The following MDN1 variants were observed in gnomAD, a reference collection of about 807,000 sequenced individuals.
MDN1 encodes midasin AAA ATPase 1.
In MDN1, 266 loss-of-function variants were observed where a neutral mutation model predicts 669.2. That is an observed-to-expected ratio of 0.40 (90% CI 0.36 to 0.44). MDN1 has a LOEUF of 0.44. MDN1 is among the 20% of genes least tolerant of loss of function. MDN1 has a pLI of 1.00. For missense variants in MDN1, 5,940 were observed against 6,754.0 expected (o/e 0.88, Z 4.22); for synonymous variants, 2,385 against 2,457.1 (o/e 0.97, Z 0.87).
Position 89,803,498 on chromosome 6 carries a change from C to T in MDN1, c.159G>A (p.Leu53=). 1 of 1,614,060 alleles carries T rather than the reference C, an allele frequency of 6.2e-7. No homozygotes were observed. ...CVLSTLAQLL[L]DKDCTVLVGR... Reference sequence around the variant, plus strand: ...CAACCAGCACAGTACAGTCCTTATCCAAAAGCAACTGTGCTAAGGTACTCA... The same window carrying T: ...CAACCAGCACAGTACAGTCCTTATCTAAAAGCAACTGTGCTAAGGTACTCA... Residue 53 remains leucine, a synonymous_variant, in exon 2 of 102, where the codon TTG becomes TTA. Coordinates refer to ENST00000369393, the MANE Select transcript of MDN1 (RefSeq NM_014611.3).
intron 12 of MDN1, 110 bp from the exon 13 acceptor site, chr6:89,774,843 T>C (rs1308590124): frequency 9.0e-6 from 6 of 669,700 alleles, no homozygotes; most frequent in Non-Finnish European, 1.6e-5. Context: ...AGAATTATTC[T>C]CTACTTCCCA....
intron 34 of MDN1, among the ~76,000 whole-genome samples, chr6:89,732,172 C>T (rs750113122): frequency 4.5e-4 from 68 of 151,458 alleles, no homozygotes; most frequent in Non-Finnish European, 8.4e-4. Context: ...AATAAAATTG[C>T]TTTGCTAAAA....
At chr6:89,785,822 AG>A (rs1818924895) in intron 8 of MDN1, among the ~76,000 whole-genome samples, 2 of 152,210 alleles carry the variant, frequency 1.3e-5, no homozygotes, top group Non-Finnish European at 2.9e-5. Context: ...TGAATCTACC[AG>A]GGAAGAACTT....
At chr6:89,716,629 G>A in intron 44 of MDN1, 21 bp downstream of exon 44, 3 of 1,590,980 alleles carry the variant, frequency 1.9e-6, no homozygotes, top group Non-Finnish European at 1.7e-6. Context: ...TTGGACCACT[G>A]ATTAGGCATA....
intron 75 of MDN1, among the ~76,000 whole-genome samples, chr6:89,677,961 G>T (rs560618975): frequency 2.0e-4 from 31 of 152,226 alleles, no homozygotes; most frequent in African/African-American, 7.0e-4. Context: ...GGTACAGCAC[G>T]TGGTGACAGA....
intron 1 of MDN1, among the ~76,000 whole-genome samples, chr6:89,806,623 C>T (rs1041912125): frequency 5.3e-5 from 8 of 152,134 alleles, no homozygotes; most frequent in African/African-American, 1.9e-4. Context: ...GAGGCTGGGG[C>T]AGGAAAACGG....
intron 2 of MDN1, among the ~76,000 whole-genome samples, chr6:89,798,935 C>G (rs1348483980): frequency 6.6e-6 from 1 of 151,966 alleles, no homozygotes; most frequent in Non-Finnish European, 1.5e-5. Context: ...ACTTCTGGGA[C>G]TAAAAGAAGA....
chr6:89,708,398 A>G (rs940286193), intron 51 of MDN1, 98 bp downstream of exon 51: 2 of 1,442,088 alleles, frequency 1.4e-6, no homozygotes, highest in Non-Finnish European at 1.9e-6. Flanking sequence ...AGGTTCACAA[A>G]ATTCAACACA....
chr6:89,703,555 T>A (rs1246325763), intron 53 of MDN1, among the ~76,000 whole-genome samples: 6 of 152,190 alleles, frequency 3.9e-5, no homozygotes, highest in African/African-American at 7.2e-5. Flanking sequence ...TTTCCTATAG[T>A]GGTTCCATGA....
intron 53 of MDN1, among the ~76,000 whole-genome samples, chr6:89,703,470 A>G (rs1294577097): frequency 1.3e-5 from 2 of 152,158 alleles, no homozygotes; most frequent in Non-Finnish European, 2.9e-5. Flanking sequence ...TGCAATGCAA[A>G]TCAGGTAATA....
At chr6:89,644,921 A>G (rs2128297020) in intron 101 of MDN1, 94 bp downstream of exon 101, 1 of 1,325,834 alleles carries the variant, frequency 7.5e-7, no homozygotes, top group South Asian at 1.5e-5. Flanking sequence ...AGTTCTCAGT[A>G]TGACTGAGTG....
intron 1 of MDN1, among the ~76,000 whole-genome samples, chr6:89,806,607 A>T (rs1414860046): frequency 6.6e-6 from 1 of 152,072 alleles, no homozygotes; most frequent in Admixed American, 6.6e-5. Context: ...AATCCCAGCT[A>T]CTTGGGAGGC....
chr6:89,804,757 C>T (rs1409717417), intron 1 of MDN1, among the ~76,000 whole-genome samples: 1 of 152,136 alleles, frequency 6.6e-6, no homozygotes, highest in Non-Finnish European at 1.5e-5. Context: ...CTAGGCCGGG[C>T]GCAGTGGCTC....
At chr6:89,747,695 T>G (rs1267037307) in intron 26 of MDN1, among the ~76,000 whole-genome samples, 1 of 151,472 alleles carries the variant, frequency 6.6e-6, no homozygotes, top group Non-Finnish European at 1.5e-5. Context: ...ATCGAGACCA[T>G]CCTGGCTAAC....
rs772856536 is a variant in MDN1, at chr6:89,750,419, G to T, written c.3341C>A (p.Thr1114Lys). 2 of 1,613,916 alleles carry T rather than the reference G, an allele frequency of 1.2e-6. No homozygotes were observed. Among genetic ancestry groups the T allele is most frequent in the Admixed American group, 3.3e-5 (2 of 60,002 alleles). The change falls in exon 24 of 102, where the codon ACG becomes AAG. Residue 1114 changes from threonine to lysine, a missense_variant. By Grantham distance (78) the Thr-to-Lys change is moderately conservative. Transcript: ENST00000369393. ...ACAACCAATGTACTCCTGAATATCCGTGTGTTCGTGATTATTAATACGCAC... is the reference window on the plus strand; with the variant it reads ...ACAACCAATGTACTCCTGAATATCCTTGTGTTCGTGATTATTAATACGCAC... Reference protein sequence around the residue: ...HCVRINNHEHTDIQEYIGCYT... With the variant: ...HCVRINNHEHKDIQEYIGCYT...
Position 89,695,130 on chromosome 6 carries a change from G to A in MDN1, c.9771+475C>T, listed in dbSNP as rs1251033029. Among the ~76,000 whole-genome samples the A allele has an allele frequency of 2.6e-5, 4 of 152,190 alleles. No homozygotes were observed. The East Asian group carries it at 7.7e-4, about 29-fold the overall frequency. ...TTCCTGTAATCCCAGCTACTCGGGA[G>A]GCTGAGGCAGAGAATTGCTTGAACC... On this transcript the variant is annotated intron_variant, in intron 61 of 101. Coordinates refer to ENST00000369393, the MANE Select transcript of MDN1 (RefSeq NM_014611.3). The surrounding 1 kb of genome is among the most constrained non-coding windows in gnomAD (Gnocchi z 4.1).
chr6:89,760,326 G>A lies in MDN1; in HGVS notation c.2460+1319C>T, dbSNP rs542207852. On this transcript the variant is annotated intron_variant, in intron 17 of 101. Coordinates refer to ENST00000369393, the MANE Select transcript of MDN1 (RefSeq NM_014611.3). ...TCCATGCCCTGGGATTAAAATTGGG[G>A]CAATGAAGTGAACGGGTCCAAATCC... Among the ~76,000 whole-genome samples, 73 of 151,890 alleles carry A rather than the reference G, an allele frequency of 4.8e-4. 2 individuals carry two copies. In the South Asian group the frequency reaches 0.015, roughly 31 times the overall value.
rs760743288 is a variant in MDN1, at chr6:89,702,004, C to T, written c.8206G>A (p.Val2736Ile). 1.2e-5 allele frequency: 19 copies of T among 1,613,750 alleles called. No individual in the cohort carries two copies. Among genetic ancestry groups the T allele is most frequent in the Non-Finnish European group, 1.6e-5 (19 of 1,179,788 alleles). Residue 2736 changes from valine (V) to isoleucine (I), a missense_variant, in exon 54 of 102, where the codon GTA (valine) becomes ATA (isoleucine). By Grantham distance (29) the Val-to-Ile change is conservative. Coordinates refer to ENST00000369393, the MANE Select transcript of MDN1 (RefSeq NM_014611.3). ...AGAAGGGCCAGACCTGGGGCATCTACTTTTACTGTGTCGGCCACAGTCCAG... is the reference window on the plus strand; with the variant it reads ...AGAAGGGCCAGACCTGGGGCATCTATTTTTACTGTGTCGGCCACAGTCCAG... The part of the protein sequence containing the change: ...RFWTVADTVK[V>I]DAPGLALLAL...
chr6:89,671,172 A>G, intron 82 of MDN1, 92 bp from the exon 83 acceptor site: 2 of 1,387,166 alleles, frequency 1.4e-6, no homozygotes, highest in South Asian at 2.7e-5. Context: ...TAATTGCACA[A>G]CATTGTGAAT....
Sources: allele counts gnomAD v4.1 joint callset (sites outside exome capture counted in the v4.1 genomes callset), GRCh38; gene constraint gnomAD v4.1.1; non-coding constraint Gnocchi (gnomAD v3.1); transcripts MANE v1.5; gene names NCBI Gene and HGNC (gene_info 2026-07-23, HGNC 2026-07-21).